ARHGAP10: variants seen among roughly 807,000 people sequenced by gnomAD.
ARHGAP10 encodes the protein Rho GTPase activating protein 10.
A neutral mutation model predicts 108.6 loss-of-function variants in ARHGAP10; 87 were observed. That is an observed-to-expected ratio of 0.80 (90% CI 0.67 to 0.96). The LOEUF is 0.96. Ranked by LOEUF, ARHGAP10 falls within the 40% of genes least tolerant of loss-of-function variation. The pLI is 0.00. For missense variants in ARHGAP10, 939 were observed against 954.5 expected, an observed-to-expected ratio of 0.98 and a Z score of 0.21; for synonymous variants, 347 against 341.1, an observed-to-expected ratio of 1.02 and a Z score of -0.19.
chr4:147,945,328 A>G (rs1738332815), intron 14 of ARHGAP10, among the ~76,000 whole-genome samples: 2 of 152,028 alleles, frequency 1.3e-5, no homozygotes, highest in Admixed American at 1.3e-4. Context: ...TTTCTTTAGA[A>G]CTTACTAGCC....
intron 1 of ARHGAP10, among the ~76,000 whole-genome samples, chr4:147,818,552 G>A (rs1197699846): frequency 7.4e-6 from 1 of 135,012 alleles, no homozygotes; most frequent in Non-Finnish European, 1.6e-5. Context: ...GGTGACAAGA[G>A]TGAAACTGTC....
intron 13 of ARHGAP10, among the ~76,000 whole-genome samples, chr4:147,924,315 C>T (rs748634236): frequency 6.6e-6 from 1 of 152,166 alleles, no homozygotes; most frequent in Non-Finnish European, 1.5e-5. Context: ...ACTGTTACTA[C>T]TTTCCTGTTG....
At chr4:147,866,496 C>T in intron 6 of ARHGAP10, 1 of 480,920 alleles carries the variant, frequency 2.1e-6, no homozygotes, top group Non-Finnish European at 3.7e-6. Flanking sequence ...TGTCTAATGG[C>T]TGTGATATTT....
intron 14 of ARHGAP10, among the ~76,000 whole-genome samples, chr4:147,943,385 G>A (rs1738233541): frequency 6.6e-6 from 1 of 152,130 alleles, no homozygotes; most frequent in African/African-American, 2.4e-5. Context: ...GCATAGATTG[G>A]GGAAAAAAGT....
chr4:148,007,162 A>T (rs1051314472), intron 18 of ARHGAP10, among the ~76,000 whole-genome samples: 4 of 152,172 alleles, frequency 2.6e-5, no homozygotes, highest in African/African-American at 9.7e-5. Flanking sequence ...ACTTTAATAT[A>T]TGTGTTTGTG....
In ARHGAP10 at chr4:147,864,890, G is replaced by A. The variant is rs766376034; in HGVS notation, c.531G>A (p.Leu177=). 3 of 1,614,120 alleles carry A rather than the reference G, an allele frequency of 1.9e-6. No individual in the cohort carries two copies. Among genetic ancestry groups the A allele is most frequent in the Non-Finnish European group, 1.7e-6 (2 of 1,180,008 alleles). ...VEQNRQHFYE[L]SLEYVCKLQE... is the part of the protein sequence containing the mutation. Reference sequence around the variant, plus strand: ...AGAACCGGCAACACTTCTATGAACTGTCTCTCGAGTATGTGTGTAAGCTGC... The same window carrying A: ...AGAACCGGCAACACTTCTATGAACTATCTCTCGAGTATGTGTGTAAGCTGC... Residue 177 remains leucine (L), a synonymous_variant, in exon 6 of 23, where the codon CTG becomes CTA. Transcript: ENST00000336498.
intron 8 of ARHGAP10, among the ~76,000 whole-genome samples, chr4:147,877,011 A>C (rs1735096643): frequency 6.6e-6 from 1 of 152,196 alleles, no homozygotes; most frequent in Non-Finnish European, 1.5e-5. Flanking sequence ...GCGCTTGAAC[A>C]GGCGTGAAAG....
At chr4:147,910,868 G>A (rs1379219213) in intron 12 of ARHGAP10, among the ~76,000 whole-genome samples, 1 of 152,096 alleles carries the variant, frequency 6.6e-6, no homozygotes, top group African/African-American at 2.4e-5. Flanking sequence ...CACAACTCTT[G>A]TAGCCTGGCA....
At chr4:147,981,944 C>A (rs138695294) in intron 18 of ARHGAP10, among the ~76,000 whole-genome samples, 3 of 152,240 alleles carry the variant, frequency 2.0e-5, no homozygotes, top group Non-Finnish European at 4.4e-5. Context: ...ACTTTGAGCC[C>A]AGGGGCGTGA....
chr4:147,765,107 A>G (rs1371105227), intron 1 of ARHGAP10, among the ~76,000 whole-genome samples: 2 of 152,180 alleles, frequency 1.3e-5, no homozygotes, highest in African/African-American at 4.8e-5. Context: ...ACTGTGGACT[A>G]ATGATGGACC....
At chr4:147,855,828 G>C (rs1446747705) in intron 4 of ARHGAP10, among the ~76,000 whole-genome samples, 1 of 152,000 alleles carries the variant, frequency 6.6e-6, no homozygotes, top group East Asian at 1.9e-4. Flanking sequence ...ACCTGACAGG[G>C]GACATACTGT....
chr4:147,732,587 C>A, intron 1 of ARHGAP10, 132 bp downstream of exon 1: 1 of 1,300,310 alleles, frequency 7.7e-7, no homozygotes, highest in South Asian at 1.5e-5. Context: ...TCCGGACCAG[C>A]CCAGCTCTCT....
chr4:147,750,662 C>T (rs921066453), intron 1 of ARHGAP10, among the ~76,000 whole-genome samples: 10 of 150,448 alleles, frequency 6.6e-5, no homozygotes, highest in African/African-American at 2.2e-4. Context: ...AGTGCAGTGG[C>T]GTGATCTCAG....
chr4:147,974,480 A>C (rs1055581783), intron 18 of ARHGAP10, among the ~76,000 whole-genome samples: 1 of 152,188 alleles, frequency 6.6e-6, no homozygotes, highest in Non-Finnish European at 1.5e-5. Context: ...TTAATACTGA[A>C]AAATTGGCAA....
intron 16 of ARHGAP10, among the ~76,000 whole-genome samples, chr4:147,958,144 ACT>A: frequency 6.6e-6 from 1 of 152,216 alleles, no homozygotes; most frequent in Non-Finnish European, 1.5e-5. Flanking sequence ...TGGATGTCTT[ACT>A]GCGTGATGTC....
intron 18 of ARHGAP10, among the ~76,000 whole-genome samples, chr4:147,998,122 A>G (rs1304770211): frequency 1.3e-5 from 2 of 152,264 alleles, no homozygotes; most frequent in Non-Finnish European, 2.9e-5. Context: ...CACATACAAA[A>G]GCAGAAATTA....
chr4:148,045,628 C>CG (rs1247716168), intron 19 of ARHGAP10, among the ~76,000 whole-genome samples: 1 of 150,036 alleles, frequency 6.7e-6, no homozygotes, highest in Non-Finnish European at 1.5e-5. Context: ...ATCCCAACTA[C>CG]TCGGGAGGCT....
chr4:147,999,941 TA>T (rs780343081), intron 18 of ARHGAP10, among the ~76,000 whole-genome samples: 17 of 149,290 alleles, frequency 1.1e-4, no homozygotes, highest in African/African-American at 2.3e-4. Flanking sequence ...TTTTTTTTTT[TA>T]AATTATACTT....
intron 16 of ARHGAP10, among the ~76,000 whole-genome samples, chr4:147,962,377 GC>G (rs1258103499): frequency 6.6e-6 from 1 of 152,214 alleles, no homozygotes; most frequent in Non-Finnish European, 1.5e-5. Flanking sequence ...ACATGTGCCA[GC>G]CACAGAGGCT....
Sources: gnomAD v4.1 joint callset for allele counts (sites outside exome capture counted in the v4.1 genomes callset) on GRCh38, gnomAD v4.1.1 for gene constraint, MANE v1.5 for transcripts, NCBI Gene and HGNC (gene_info 2026-07-23, HGNC 2026-07-21) for gene names.